Variants in KLHDC1 observed in about 807,000 individuals in gnomAD.
KLHDC1 encodes the protein kelch domain-containing protein 1.
KLHDC1 carries 53 observed loss-of-function variants against 68.3 expected under a neutral mutation model. The observed-to-expected ratio is 0.78, with a 90% CI of 0.62 to 0.98. The LOEUF (loss-of-function observed/expected upper bound fraction) is 0.98. Ranked by LOEUF, KLHDC1 falls within the 50% of genes least tolerant of loss-of-function variation. KLHDC1 has a pLI of 0.00. For synonymous variants in KLHDC1, 148 were observed against 159.0 expected (o/e 0.93, Z 0.52); for missense variants, 470 against 492.3 (o/e 0.95, Z 0.43).
At chr14:49,723,421 A>C (rs1341963897) in intron 4 of KLHDC1, among the ~76,000 whole-genome samples, 1 of 151,880 alleles carries the variant, frequency 6.6e-6, no homozygotes, top group East Asian at 1.9e-4. Flanking sequence ...AGTCACAGCT[A>C]CTCAGAGGTC....
intron 1 of KLHDC1, among the ~76,000 whole-genome samples, chr14:49,696,824 A>C (rs1018406435): frequency 8.5e-6 from 1 of 117,950 alleles, no homozygotes; most frequent in Non-Finnish European, 1.8e-5. Flanking sequence ...AGCTTTTGAC[A>C]TGCCTTTTTC....
Position 49,734,732 on chromosome 14 carries a change from T to C in KLHDC1, c.896+71T>C, listed in dbSNP as rs188761529. 8.5e-4 allele frequency: 633 copies of C among 745,712 alleles called. 3 individuals carry two copies. The African/African-American group carries it at 0.01, about 12-fold the overall frequency. The allele number at this position is 745,712 out of a possible 1,614,324, so 46.2% of individuals were successfully genotyped here. The stretch of plus-strand genomic sequence containing the variant: ...AAGTATTAAAATATAGTACTGAATT[T>C]ATAGTGTTTGCCATTGAAACCATAA... On this transcript the variant is annotated intron_variant, in intron 10 of 12. Coordinates refer to ENST00000359332, the MANE Select transcript of KLHDC1 (RefSeq NM_172193.3).
intron 1 of KLHDC1, among the ~76,000 whole-genome samples, chr14:49,695,674 T>G (rs1165534293): frequency 6.6e-6 from 1 of 152,202 alleles, no homozygotes; most frequent in Admixed American, 6.5e-5. Flanking sequence ...ACAAGAGAAT[T>G]AGCTGGTCCT....
intron 1 of KLHDC1, among the ~76,000 whole-genome samples, chr14:49,699,717 A>G (rs1389337022): frequency 6.6e-6 from 1 of 152,204 alleles, no homozygotes; most frequent in East Asian, 1.9e-4. Flanking sequence ...TCTGAAGGCC[A>G]TTATATTAGT....
chr14:49,723,748 C>G (rs752402427), intron 4 of KLHDC1, 126 bp from the exon 5 acceptor site: 3 of 590,862 alleles, frequency 5.1e-6, no homozygotes, highest in Non-Finnish European at 8.9e-6. Flanking sequence ...GTTCCCTCAG[C>G]TCTTTATTCT....
At chr14:49,737,998 A>G (rs1000366257) in intron 10 of KLHDC1, among the ~76,000 whole-genome samples, 3 of 152,068 alleles carry the variant, frequency 2.0e-5, no homozygotes, top group African/African-American at 7.2e-5. Context: ...GAAATATTCA[A>G]CTTTGTTAAA....
chr14:49,750,055 A>G (rs950287268), intron 12 of KLHDC1, among the ~76,000 whole-genome samples: 1 of 152,164 alleles, frequency 6.6e-6, no homozygotes, highest in African/African-American at 2.4e-5. Context: ...GAAAGACTCC[A>G]TCTCAGGAAA....
chr14:49,740,715 C>A (rs1255337756), intron 11 of KLHDC1, among the ~76,000 whole-genome samples: 1 of 152,130 alleles, frequency 6.6e-6, no homozygotes, highest in African/African-American at 2.4e-5. Flanking sequence ...GTTTGATTAG[C>A]AAAATTATTA....
At chr14:49,735,331 A>T (rs1262466732) in intron 10 of KLHDC1, among the ~76,000 whole-genome samples, 2 of 151,974 alleles carry the variant, frequency 1.3e-5, no homozygotes, top group Non-Finnish European at 1.5e-5. Context: ...GATCATTATA[A>T]TTGGTAATTC....
At chr14:49,708,087 T>G (rs1416562181) in intron 1 of KLHDC1, among the ~76,000 whole-genome samples, 2 of 150,296 alleles carry the variant, frequency 1.3e-5, no homozygotes, top group Non-Finnish European at 3.0e-5. Flanking sequence ...TTTTTTTTTT[T>G]TGAGACAAAT....
chr14:49,724,658 A>G (rs1449304903), intron 5 of KLHDC1, among the ~76,000 whole-genome samples: 1 of 152,108 alleles, frequency 6.6e-6, no homozygotes, highest in East Asian at 1.9e-4. Context: ...TAAAAATGAC[A>G]TATCATTAAA....
chr14:49,693,748 C>CTTTTTTTTTCTTTTTT (rs1887646287), intron 1 of KLHDC1, among the ~76,000 whole-genome samples: 4 of 61,562 alleles, frequency 6.5e-5, no homozygotes, highest in Non-Finnish European at 1.4e-4. Context: ...TTTTCTTTTT[C>CTTTTTTTTTCTTTTTT]TTTTTTTTTT....
At chr14:49,695,116 A>ATGTTTGTGTG (rs1555337473) in intron 1 of KLHDC1, among the ~76,000 whole-genome samples, 1 of 142,094 alleles carries the variant, frequency 7.0e-6, no homozygotes, top group Non-Finnish European at 1.5e-5. Context: ...TGCAGTTTTG[A>ATGTTTGTGTG]TGTGTGTGTG....
chr14:49,714,605 C>G (rs1247487880), intron 4 of KLHDC1, among the ~76,000 whole-genome samples: 1 of 151,524 alleles, frequency 6.6e-6, no homozygotes, highest in African/African-American at 2.4e-5. Flanking sequence ...GAGACCTCAT[C>G]TCTACAAAAA....
At chr14:49,721,781 T>C (rs1366399827) in intron 4 of KLHDC1, among the ~76,000 whole-genome samples, 1 of 152,098 alleles carries the variant, frequency 6.6e-6, no homozygotes, top group African/African-American at 2.4e-5. Flanking sequence ...TGTTTTATAG[T>C]CCAGTTGGTA....
intron 9 of KLHDC1, among the ~76,000 whole-genome samples, chr14:49,733,820 G>T (rs903450500): frequency 3.3e-5 from 5 of 152,104 alleles, no homozygotes; most frequent in African/African-American, 1.2e-4. Flanking sequence ...ATATATTAGG[G>T]TCTGGAAACA....
In KLHDC1 at chr14:49,715,765, A is replaced by AATATATATATATAT. The variant is rs1555339251; in HGVS notation, c.404+5388_404+5401dup. The stretch of plus-strand genomic sequence containing the variant: ...AAAAAAAAAAAAAAAAAAAAAAAAA[A>AATATATATATATAT]ATATATATATATATATAATAAAAGA... On this transcript the variant is annotated intron_variant, in intron 4 of 12. Coordinates refer to ENST00000359332, the MANE Select transcript of KLHDC1 (RefSeq NM_172193.3). 6.3e-3 allele frequency among the ~76,000 whole-genome samples: 321 copies of AATATATATATATAT among 51,338 alleles called. 2 individuals are homozygous for AATATATATATATAT. Among genetic ancestry groups the AATATATATATATAT allele is most frequent in the Admixed American group, 0.015 (52 of 3,506 alleles). The allele number at this position is 51,338 out of a possible 152,430, so 33.7% of individuals were successfully genotyped here. A position where few individuals can be genotyped will look rare whatever the true frequency, so the allele number is the denominator to read the frequency against.
rs1383507447 is a variant in KLHDC1 at position 49,752,635 on chromosome 14, G to A, written c.*863G>A. 1 of 151,828 alleles carries A rather than the reference G, an allele frequency of 6.6e-6. No homozygotes were observed. The highest frequency in any genetic ancestry group is 1.5e-5 in the Non-Finnish European group (1 of 67,910). 9.4% of individuals were successfully genotyped at this position (151,828 alleles called of 1,614,324 possible). A position where few individuals can be genotyped will look rare whatever the true frequency, so the allele number is the denominator to read the frequency against. On this transcript the variant is annotated 3_prime_UTR_variant, in exon 13 of 13. Transcript: ENST00000359332. ...GACTTTATAGAAATCCCTCAGTTTGGCCCCCACCATTCTACAGAGTTGTAC... is the reference window on the plus strand; with the variant it reads ...GACTTTATAGAAATCCCTCAGTTTGACCCCCACCATTCTACAGAGTTGTAC...
chr14:49,744,010 C>T (rs1297409018), intron 12 of KLHDC1, among the ~76,000 whole-genome samples: 1 of 151,842 alleles, frequency 6.6e-6, no homozygotes, highest in Non-Finnish European at 1.5e-5. Context: ...ACATGCGTGG[C>T]GTGATGACTT....
Sources: allele counts gnomAD v4.1 joint callset (sites outside exome capture counted in the v4.1 genomes callset), GRCh38; gene constraint gnomAD v4.1.1; transcripts MANE v1.5; gene names NCBI Gene and HGNC (gene_info 2026-07-23, HGNC 2026-07-21).